CNTNAP2: variants seen among roughly 807,000 people sequenced by gnomAD.
CNTNAP2 encodes contactin associated protein 2, also known as contactin-associated protein-like 2.
A neutral mutation model predicts 155.2 loss-of-function variants in CNTNAP2; 98 were observed. The observed-to-expected ratio is 0.63, with a 90% CI of 0.54 to 0.75. The LOEUF (loss-of-function observed/expected upper bound fraction) is 0.75. Ranked by LOEUF, CNTNAP2 falls within the 30% of genes least tolerant of loss-of-function variation. The pLI, the probability that CNTNAP2 is intolerant of heterozygous loss-of-function variation, is 0.00. For synonymous variants in CNTNAP2, 651 were observed against 631.2 expected, an observed-to-expected ratio of 1.03 and a Z score of -0.47; for missense variants, 1,727 against 1,688.1, an observed-to-expected ratio of 1.02 and a Z score of -0.40.
At chr7:147,906,533 T>C (rs2710119) in intron 14 of CNTNAP2, among the ~76,000 whole-genome samples, 94,100 of 151,126 alleles carry the variant, frequency 0.62, 29,560 homozygotes, top group Middle Eastern at 0.75. Flanking sequence ...CTCTGTTGCC[T>C]GGGCTGGAGT....
At chr7:146,760,179 G>A (rs922627288) in intron 1 of CNTNAP2, among the ~76,000 whole-genome samples, 26 of 151,918 alleles carry the variant, frequency 1.7e-4, no homozygotes, top group African/African-American at 6.3e-4. Flanking sequence ...AATAAATAAG[G>A]TAAATGAGCC....
intron 3 of CNTNAP2, among the ~76,000 whole-genome samples, chr7:146,967,151 C>A (rs530506486): frequency 1.4e-4 from 22 of 152,096 alleles, no homozygotes; most frequent in African/African-American, 5.3e-4. Context: ...TCATGATAGG[C>A]CTATGTGTAA....
intron 21 of CNTNAP2, among the ~76,000 whole-genome samples, chr7:148,322,080 C>G (rs1490375363): frequency 6.6e-6 from 1 of 151,772 alleles, no homozygotes; most frequent in Non-Finnish European, 1.5e-5. Flanking sequence ...ACCACTGCGT[C>G]TGGCTAATTT....
At chr7:147,570,021 A>G (rs1029883351) in intron 12 of CNTNAP2, among the ~76,000 whole-genome samples, 1 of 152,202 alleles carries the variant, frequency 6.6e-6, no homozygotes, top group Non-Finnish European at 1.5e-5. Context: ...AGCTGCTCCC[A>G]GCTCCCTGCC....
At chr7:147,931,150 T>C (rs1458096724) in intron 14 of CNTNAP2, among the ~76,000 whole-genome samples, 1 of 149,796 alleles carries the variant, frequency 6.7e-6, no homozygotes, top group African/African-American at 2.5e-5. Flanking sequence ...AAAACAAACT[T>C]AGCCCAAAGT....
intron 15 of CNTNAP2, among the ~76,000 whole-genome samples, chr7:148,001,081 G>A (rs10249855): frequency 0.66 from 99,805 of 152,116 alleles, 33,607 homozygotes; most frequent in African/African-American, 0.81. Context: ...CTAATTTAGT[G>A]TGATCTCAAG....
intron 14 of CNTNAP2, among the ~76,000 whole-genome samples, chr7:147,954,532 G>C (rs1190102115): frequency 6.6e-6 from 1 of 151,954 alleles, no homozygotes; most frequent in Non-Finnish European, 1.5e-5. Flanking sequence ...TTTTTTGTAA[G>C]TTACTGAACA....
chr7:146,373,100 GA>G (rs1414143863), intron 1 of CNTNAP2, among the ~76,000 whole-genome samples: 2 of 152,172 alleles, frequency 1.3e-5, no homozygotes, highest in Non-Finnish European at 2.9e-5. Context: ...CTGTACTTCA[GA>G]AACATGGCAG....
At chr7:148,061,954 TATAGATAGATAGATAGATAGATAGATAG>T (rs10535597) in intron 15 of CNTNAP2, among the ~76,000 whole-genome samples, 12 of 95,944 alleles carry the variant, frequency 1.3e-4, no homozygotes, top group African/African-American at 4.1e-4. Context: ...GATAAACAGA[TATAGATAGATAGATAGATAGATAGATAG>T]ATAGATAGAT....
chr7:147,920,392 T>C (rs1019083181), intron 14 of CNTNAP2, among the ~76,000 whole-genome samples: 4 of 141,086 alleles, frequency 2.8e-5, no homozygotes, highest in South Asian at 4.5e-4. Context: ...TCTCTGAAAG[T>C]GATTTTGTGG....
In CNTNAP2 at chr7:147,265,228, G is replaced by A. The variant is rs532295592; in HGVS notation, c.1349-34913G>A. Among the ~76,000 whole-genome samples, 4 of 152,272 alleles carry A rather than the reference G, an allele frequency of 2.6e-5. No homozygotes were observed. The South Asian group carries it at 6.2e-4, about 24-fold the overall frequency. ...TTGTATTTTAAGTTCTCGGATACAT[G>A]TGCAGGACGTGCAGGTTTGTTACAC... On this transcript the variant is annotated intron_variant, in intron 8 of 23. Coordinates refer to ENST00000361727, the MANE Select transcript of CNTNAP2 (RefSeq NM_014141.6).
intron 3 of CNTNAP2, among the ~76,000 whole-genome samples, chr7:146,995,821 G>A (rs927117806): frequency 5.9e-5 from 9 of 152,024 alleles, no homozygotes; most frequent in African/African-American, 1.4e-4. Flanking sequence ...CCATTCAGTA[G>A]GTTGTTTCTT....
At chr7:146,279,751 C>T (rs1800220691) in intron 1 of CNTNAP2, among the ~76,000 whole-genome samples, 1 of 151,576 alleles carries the variant, frequency 6.6e-6, no homozygotes, top group Non-Finnish European at 1.5e-5. Context: ...AACATGGACA[C>T]AATTTTTCAT....
At chr7:147,567,624 G>A (rs978921116) in intron 12 of CNTNAP2, among the ~76,000 whole-genome samples, 2 of 152,158 alleles carry the variant, frequency 1.3e-5, no homozygotes, top group African/African-American at 4.8e-5. Flanking sequence ...TGATGAGACA[G>A]AGAAAGTTGA....
chr7:146,877,235 C>T (rs1795447057), intron 3 of CNTNAP2, among the ~76,000 whole-genome samples: 1 of 152,062 alleles, frequency 6.6e-6, no homozygotes, highest in South Asian at 2.1e-4. Context: ...GGCATGATGG[C>T]TTTTGCCTGT....
intron 1 of CNTNAP2, among the ~76,000 whole-genome samples, chr7:146,484,468 T>C (rs1260514168): frequency 2.0e-5 from 3 of 152,216 alleles, no homozygotes; most frequent in Admixed American, 2.0e-4. Context: ...TGTTTTAAAC[T>C]TTTTTGTTTA....
At position 148,415,780 on chromosome 7, in the gene CNTNAP2, C is replaced by CAAA. The variant is rs61125105; in HGVS notation, c.*173_*175dup. 3.5e-4 allele frequency: 202 copies of CAAA among 577,036 alleles called. No homozygotes were observed. The highest frequency in any genetic ancestry group is 9.9e-4 in the South Asian group (39 of 39,436). The allele number at this position is 577,036 out of a possible 1,614,324, so 35.7% of individuals were successfully genotyped here. On this transcript the variant is annotated 3_prime_UTR_variant, in exon 24 of 24. Transcript: ENST00000361727. ...AATGGAATATTCTTGAGACTGATCA[C>CAAA]AAAAAAAAAAACCTTTTTAATATTT...
intron 1 of CNTNAP2, among the ~76,000 whole-genome samples, chr7:146,687,305 C>T (rs1800617567): frequency 6.6e-6 from 1 of 152,100 alleles, no homozygotes; most frequent in Admixed American, 6.6e-5. Context: ...TGATCTTGAG[C>T]AACATAATTT....
intron 2 of CNTNAP2, among the ~76,000 whole-genome samples, chr7:146,816,933 G>C (rs1366883934): frequency 6.6e-6 from 1 of 152,122 alleles, no homozygotes; most frequent in Non-Finnish European, 1.5e-5. Context: ...TAGATAATAA[G>C]TTCCCAATAA....
Sources: gnomAD v4.1 joint callset for allele counts (sites outside exome capture counted in the v4.1 genomes callset) on GRCh38, gnomAD v4.1.1 for gene constraint, MANE v1.5 for transcripts, NCBI Gene and HGNC (gene_info 2026-07-23, HGNC 2026-07-21) for gene names.